The following ACLY variants were observed in gnomAD, a reference collection of about 807,000 sequenced individuals.
ACLY encodes ATP citrate lyase.
A neutral mutation model predicts 133.0 loss-of-function variants in ACLY; 41 were observed. The ratio of observed to expected loss-of-function variants is 0.31; its 90% CI spans 0.24 to 0.40. The LOEUF is 0.40. Ranked by LOEUF, ACLY falls within the 10% of genes least tolerant of loss-of-function variation. The pLI is 1.00. For missense variants in ACLY, 1,046 were observed against 1,453.8 expected, an observed-to-expected ratio of 0.72 and a Z score of 4.56; for synonymous variants, 495 against 549.3, an observed-to-expected ratio of 0.90 and a Z score of 1.38.
chr17:41,904,922 G>A, intron 9 of ACLY, 132 bp from the exon 10 acceptor site: 1 of 783,550 alleles, frequency 1.3e-6, no homozygotes. Context: ...ACTGGGGAGT[G>A]AGTAGGACAG....
At position 41,896,554 on chromosome 17, in the gene ACLY, C is replaced by T. The variant is rs114251355; in HGVS notation, c.1459+66G>A. 2.3e-4 allele frequency: 332 copies of T among 1,422,394 alleles called. 2 individuals carry two copies. In the African/African-American group the frequency reaches 4.5e-3, roughly 19 times the overall value. 88.1% of individuals were successfully genotyped at this position (1,422,394 alleles called of 1,614,324 possible). On this transcript the variant is annotated intron_variant, in intron 14 of 28. Coordinates refer to ENST00000352035, the MANE Select transcript of ACLY (RefSeq NM_001096.3). ...CACCAGGGGAGGGGGAAACAGAGCA[C>T]ACAGTAAAACTGTCACCCGCTAACA...
intron 1 of ACLY, among the ~76,000 whole-genome samples, chr17:41,926,141 G>A (rs1555635941): frequency 1.3e-5 from 2 of 152,100 alleles, no homozygotes; most frequent in African/African-American, 2.4e-5. Flanking sequence ...CACCACGCCC[G>A]GCCAGACATG....
chr17:41,884,132 G>T (rs2048990567), intron 19 of ACLY, 61 bp downstream of exon 19: 2 of 1,043,842 alleles, frequency 1.9e-6, no homozygotes, highest in South Asian at 1.3e-5. Context: ...TTAATTTTTT[G>T]AAAACTGAGA....
intron 1 of ACLY, among the ~76,000 whole-genome samples, chr17:41,917,399 A>T (rs782806859): frequency 5.9e-5 from 9 of 152,062 alleles, no homozygotes; most frequent in Non-Finnish European, 2.9e-5. Flanking sequence ...TCTCTAAGGG[A>T]GGGGCCTTAT....
chr17:41,868,185 T>C (rs1399088396), intron 28 of ACLY, among the ~76,000 whole-genome samples: 2 of 152,046 alleles, frequency 1.3e-5, no homozygotes, highest in Admixed American at 6.6e-5. Context: ...ACGCCTGTAA[T>C]CCCAGCACTT....
upstream of ACLY, among the ~76,000 whole-genome samples, chr17:41,921,479 GA>G (rs782660866): frequency 0.015 from 653 of 42,416 alleles, 4 homozygotes; most frequent in African/African-American, 0.019. Flanking sequence ...CCCTGTCTCA[GA>G]AAAAAAAAAA....
At chr17:41,922,953 C>T (rs1248316684), upstream of ACLY, among the ~76,000 whole-genome samples, 1 of 152,192 alleles carries the variant, frequency 6.6e-6, no homozygotes, top group Non-Finnish European at 1.5e-5. Context: ...CTCTCATTAC[C>T]CCACCATGCA....
At chr17:41,930,510 C>T (rs1173916193) in exon 1 of ACLY, 6 of 513,720 alleles carry the variant, frequency 1.2e-5, no homozygotes, top group African/African-American at 9.7e-5. Flanking sequence ...GTCAGCCACG[C>T]AATCATCACT....
chr17:41,875,878 G>A (rs1353249043), intron 22 of ACLY, among the ~76,000 whole-genome samples: 1 of 152,150 alleles, frequency 6.6e-6, no homozygotes. Context: ...TCTGGGAAGT[G>A]AGGAGCGTCT....
At chr17:41,898,427 G>C (rs1191463420) in intron 12 of ACLY, among the ~76,000 whole-genome samples, 5 of 152,116 alleles carry the variant, frequency 3.3e-5, no homozygotes, top group Admixed American at 3.3e-4. Context: ...TTTGAACTTG[G>C]ATCCAATTTT....
At chr17:41,930,508 C>T in exon 1 of ACLY, 1 of 510,892 alleles carries the variant, frequency 2.0e-6, no homozygotes. Context: ...CCGTCAGCCA[C>T]GCAATCATCA....
At chr17:41,928,629 A>C (rs2050270078) in intron 1 of ACLY, among the ~76,000 whole-genome samples, 1 of 151,928 alleles carries the variant, frequency 6.6e-6, no homozygotes, top group Admixed American at 6.6e-5. Context: ...AGGCGGGCAG[A>C]TCACCTGAGG....
chr17:41,930,468 G>A, exon 1 of ACLY: 1 of 425,476 alleles, frequency 2.4e-6, no homozygotes, highest in Admixed American at 3.8e-5. Flanking sequence ...AACCGCCAGA[G>A]CGTGCAACAG....
intron 1 of ACLY, among the ~76,000 whole-genome samples, chr17:41,928,010 G>A (rs1051808277): frequency 9.8e-4 from 149 of 151,868 alleles, no homozygotes; most frequent in African/African-American, 3.0e-3. Context: ...GTGGTGGTGC[G>A]TGTCTGTAGT....
intron 18 of ACLY, among the ~76,000 whole-genome samples, chr17:41,885,607 T>G (rs1182008949): frequency 6.6e-6 from 1 of 152,258 alleles, no homozygotes; most frequent in African/African-American, 2.4e-5. Flanking sequence ...GAGCACCTGC[T>G]GAACGCAGGC....
intron 22 of ACLY, among the ~76,000 whole-genome samples, chr17:41,877,132 A>ATC (rs782814336): frequency 6.7e-6 from 1 of 150,068 alleles, no homozygotes; most frequent in East Asian, 1.9e-4. Flanking sequence ...TATGTTCTCT[A>ATC]TCTCTCTCTC....
intron 1 of ACLY, among the ~76,000 whole-genome samples, chr17:41,927,099 C>A (rs1254080833): frequency 1.3e-5 from 2 of 152,168 alleles, no homozygotes; most frequent in African/African-American, 4.8e-5. Flanking sequence ...AACTCCCGAA[C>A]TCAGGTGATC....
intron 1 of ACLY, among the ~76,000 whole-genome samples, chr17:41,929,832 C>G (rs924510001): frequency 1.1e-4 from 16 of 152,066 alleles, no homozygotes; most frequent in African/African-American, 3.9e-4. Context: ...ATCCACTGAT[C>G]TTACTCAAAT....
chr17:41,895,867 G>T (rs2049350814), intron 14 of ACLY, among the ~76,000 whole-genome samples: 1 of 152,322 alleles, frequency 6.6e-6, no homozygotes. Flanking sequence ...GGCTGTGAAT[G>T]TCAAAGTTAA....
Sources: gnomAD v4.1 joint callset for allele counts (sites outside exome capture counted in the v4.1 genomes callset) on GRCh38, gnomAD v4.1.1 for gene constraint, MANE v1.5 for transcripts, NCBI Gene and HGNC (gene_info 2026-07-23, HGNC 2026-07-21) for gene names.